BIRC6: variants seen among roughly 807,000 people sequenced by gnomAD.
BIRC6 encodes the protein dual E2 ubiquitin-conjugating enzyme/E3 ubiquitin-protein ligase BIRC6.
BIRC6 carries 98 observed loss-of-function variants against 503.3 expected under a neutral mutation model. The observed-to-expected ratio is 0.19, with a 90% CI of 0.17 to 0.23. The LOEUF (loss-of-function observed/expected upper bound fraction) is 0.23. Among genes scored for constraint, BIRC6 ranks in the 10% least tolerant of loss-of-function variants. BIRC6 has a pLI of 1.00. For missense variants in BIRC6, 5,360 were observed against 5,806.0 expected, an observed-to-expected ratio of 0.92 and a Z score of 2.50; for synonymous variants, 2,240 against 2,078.7, an observed-to-expected ratio of 1.08 and a Z score of -2.11.
At chr2:32,553,197 CAAAAAAAAAAAAAAA>C (rs763552918) in intron 65 of BIRC6, among the ~76,000 whole-genome samples, 142 of 34,942 alleles carry the variant, frequency 4.1e-3, no homozygotes, top group South Asian at 0.026. Flanking sequence ...AACTCTGTCT[CAAAAAAAAAAAAAAA>C]AAAAAAAAAA....
In BIRC6 at chr2:32,543,488, A is replaced by T. The variant is rs1357608002; in HGVS notation, c.12539A>T (p.His4180Leu). Residue 4180 changes from histidine to leucine, a missense_variant, in exon 62 of 74, where the codon CAT becomes CTT. Transcript: ENST00000421745. ...GAAGTGCTACTGAAAGAGAGAAAAC[A>T]TGCCCAGTGCCTTCTTCGATTGGTA... ...YAEVLLKERK[H>L]AQCLLRLVLG... 1 of 1,614,040 alleles carries T rather than the reference A, an allele frequency of 6.2e-7. No homozygotes were observed. The highest frequency in any genetic ancestry group is 8.5e-7 in the Non-Finnish European group (1 of 1,179,894).
Position 32,415,872 on chromosome 2 carries a change from T to C in BIRC6, c.2581T>C (p.Leu861=). Residue 861 remains leucine (L), a synonymous_variant, in exon 10 of 74, where the codon TTG becomes CTG. Transcript: ENST00000421745. ...DPQDTITSLI[L]LPPDILDNRE... is the part of the protein sequence containing the mutation. ...CCAGGACACAATTACCTCGCTCATT[T>C]TGCTTCCACCCGATATATTGGATAA... The C allele has an allele frequency of 6.2e-7, 1 of 1,614,002 alleles. No homozygotes were observed. The highest frequency in any genetic ancestry group is 8.5e-7 in the Non-Finnish European group (1 of 1,179,904).
rs10182170 is a variant in BIRC6 at position 32,479,118 on chromosome 2, G to A, written c.7252+300G>A. Reference sequence around the variant, plus strand: ...TCAGTGGTATGCTGCTTACTGGGTGGGGAAATCACTTTGCCTCATTTTCTT... The same window carrying A: ...TCAGTGGTATGCTGCTTACTGGGTGAGGAAATCACTTTGCCTCATTTTCTT... On this transcript the variant is annotated intron_variant, in intron 36 of 73. Coordinates refer to ENST00000421745, the MANE Select transcript of BIRC6 (RefSeq NM_016252.4). 0.62 allele frequency among the ~76,000 whole-genome samples: 94,673 copies of A among 152,034 alleles called. 29,936 individuals are homozygous for A. Among genetic ancestry groups the A allele is most frequent in the African/African-American group, 0.66 (27,486 of 41,476 alleles).
At chr2:32,582,864 G>A (rs867725817) in intron 66 of BIRC6, among the ~76,000 whole-genome samples, 1 of 152,062 alleles carries the variant, frequency 6.6e-6, no homozygotes, top group Non-Finnish European at 1.5e-5. Flanking sequence ...TCTTATTATA[G>A]AGTTTTCACT....
chr2:32,376,148 T>C (rs1054841281), intron 1 of BIRC6, among the ~76,000 whole-genome samples: 1 of 145,538 alleles, frequency 6.9e-6, no homozygotes, highest in East Asian at 2.0e-4. Flanking sequence ...ATCATGCCAC[T>C]GCACTCCAGC....
intron 8 of BIRC6, among the ~76,000 whole-genome samples, chr2:32,404,514 A>G (rs1417714558): frequency 6.6e-6 from 1 of 151,906 alleles, no homozygotes; most frequent in Non-Finnish European, 1.5e-5. Context: ...GGGTTTCACC[A>G]TGTTGGCCAG....
At position 32,508,104 on chromosome 2, in the gene BIRC6, T is replaced by C; in HGVS notation, c.9825T>C (p.Ala3275=). 6.2e-7 allele frequency: 1 copy of C among 1,613,886 alleles called. No individual in the cohort carries two copies. The highest frequency in any genetic ancestry group is 8.5e-7 in the Non-Finnish European group (1 of 1,179,870). ...IKIQLVKAEV[A]SAVCLRLHRP... ...TTCAGCTTGTAAAAGCCGAAGTAGC[T>C]TCTGCTGTCTGCCTTAGACTACATC... is the stretch of plus-strand genomic sequence containing the variant. The change falls in exon 51 of 74, where the codon GCT becomes GCC. Residue 3275 remains alanine (A), a synonymous_variant. Transcript: ENST00000421745.
chr2:32,414,581 C>G (rs916914775), intron 9 of BIRC6, among the ~76,000 whole-genome samples, 188 bp from the exon 10 acceptor site: 1 of 152,096 alleles, frequency 6.6e-6, no homozygotes, highest in African/African-American at 2.4e-5. Flanking sequence ...GCACTAGAAT[C>G]ACTTGAACCT....
intron 10 of BIRC6, among the ~76,000 whole-genome samples, chr2:32,426,429 C>G (rs768004515): frequency 6.6e-6 from 1 of 151,984 alleles, no homozygotes; most frequent in African/African-American, 2.4e-5. Context: ...ATGGCAAAAC[C>G]CTGTCTCTAC....
chr2:32,457,093 C>T (rs1368473802), intron 23 of BIRC6, among the ~76,000 whole-genome samples: 1 of 152,096 alleles, frequency 6.6e-6, no homozygotes, highest in African/African-American at 2.4e-5. Flanking sequence ...GCTATTTCTC[C>T]GAGGATTTAC....
In BIRC6 at chr2:32,513,031, T is replaced by C; in HGVS notation, c.10445T>C (p.Val3482Ala). 1.9e-6 allele frequency: 3 copies of C among 1,613,912 alleles called. No homozygotes were observed. The highest frequency in any genetic ancestry group is 2.5e-6 in the Non-Finnish European group (3 of 1,179,812). ...MNYMCPNSSTVEYGLLMPSPS... is the reference protein window; with the variant it reads ...MNYMCPNSSTAEYGLLMPSPS... Reference sequence around the variant, plus strand: ...TACATGTGTCCTAACTCCTCAACAGTAGAGTATGGTCTTCTGATGCCATCT... The same window carrying C: ...TACATGTGTCCTAACTCCTCAACAGCAGAGTATGGTCTTCTGATGCCATCT... The change falls in exon 54 of 74, where the codon GTA becomes GCA. Residue 3482 changes from valine to alanine, a missense_variant. By Grantham distance (64) the Val-to-Ala change is moderately conservative. Around this residue, in one of 16 missense-constraint regions of BIRC6, gnomAD observed 878 missense variants for 928.9 expected, o/e 0.95. Coordinates refer to ENST00000421745, the MANE Select transcript of BIRC6 (RefSeq NM_016252.4).
At chr2:32,489,592 CCT>C in intron 42 of BIRC6, among the ~76,000 whole-genome samples, 1 of 152,016 alleles carries the variant, frequency 6.6e-6, no homozygotes, top group African/African-American at 2.4e-5. Flanking sequence ...TGGGCAGATC[CCT>C]TGAGGGCAGG....
intron 31 of BIRC6, among the ~76,000 whole-genome samples, chr2:32,470,514 A>G (rs2048995561): frequency 6.6e-6 from 1 of 152,180 alleles, no homozygotes; most frequent in Admixed American, 6.5e-5. Flanking sequence ...TGAACTTAGT[A>G]TAGTATGTTT....
At chr2:32,508,942 G>A (rs1279835204) in intron 51 of BIRC6, among the ~76,000 whole-genome samples, 2 of 151,972 alleles carry the variant, frequency 1.3e-5, no homozygotes, top group African/African-American at 2.4e-5. Flanking sequence ...AAATTAGCCG[G>A]GCATGGCGGT....
chr2:32,577,401 T>C (rs2060336635), intron 66 of BIRC6, among the ~76,000 whole-genome samples: 1 of 152,174 alleles, frequency 6.6e-6, no homozygotes, highest in African/African-American at 2.4e-5. Context: ...ATTTTGTCTT[T>C]TAGATGAAAA....
At chr2:32,402,841 T>C (rs1365595443) in intron 8 of BIRC6, among the ~76,000 whole-genome samples, 1 of 152,224 alleles carries the variant, frequency 6.6e-6, no homozygotes, top group Non-Finnish European at 1.5e-5. Flanking sequence ...TGTCTTGAAG[T>C]TTTGTAATTT....
intron 66 of BIRC6, among the ~76,000 whole-genome samples, chr2:32,579,740 A>G (rs1384327444): frequency 6.6e-6 from 1 of 152,128 alleles, no homozygotes; most frequent in South Asian, 2.1e-4. Context: ...GGAAAGGCTT[A>G]TCATTTACCT....
intron 13 of BIRC6, 75 bp downstream of exon 13, chr2:32,433,879 C>T: frequency 7.8e-7 from 1 of 1,281,400 alleles, no homozygotes; most frequent in East Asian, 2.6e-5. Context: ...TTCACCTTGG[C>T]TAAGTTTCGT....
intron 65 of BIRC6, among the ~76,000 whole-genome samples, chr2:32,556,589 T>C (rs189330861): frequency 1.1e-4 from 17 of 152,284 alleles, no homozygotes; most frequent in Non-Finnish European, 1.8e-4. Context: ...TTATGCCAGT[T>C]GTATTTCCGC....
Sources: allele counts gnomAD v4.1 joint callset (sites outside exome capture counted in the v4.1 genomes callset), GRCh38; gene constraint gnomAD v4.1.1; regional missense constraint gnomAD v4.1.1; transcripts MANE v1.5; gene names NCBI Gene and HGNC (gene_info 2026-07-23, HGNC 2026-07-21).